CTNND1: variants seen among roughly 807,000 people sequenced by gnomAD.
CTNND1 encodes the protein catenin delta-1.
Under a neutral mutation model 112.1 loss-of-function variants are expected in CTNND1, and 16 were observed. The ratio of observed to expected loss-of-function variants is 0.14; its 90% CI spans 0.10 to 0.22. The LOEUF (loss-of-function observed/expected upper bound fraction) is 0.22, where lower values mean the gene tolerates loss of function less well. CTNND1 is among the 10% of genes least tolerant of loss of function. The pLI is 1.00. For missense variants in CTNND1, 1,008 were observed against 1,257.0 expected, an observed-to-expected ratio of 0.80 and a Z score of 3.00; for synonymous variants, 420 against 446.5, an observed-to-expected ratio of 0.94 and a Z score of 0.75.
rs1203118872 is a variant in CTNND1, at chr11:57,816,559, G to T, written c.*251G>T. 5 of 563,778 alleles carry T rather than the reference G, an allele frequency of 8.9e-6. No homozygotes were observed. The highest frequency in any genetic ancestry group is 1.6e-5 in the Non-Finnish European group (5 of 316,912). The allele number at this position is 563,778 out of a possible 1,614,324, so 34.9% of individuals were successfully genotyped here. On this transcript the variant is annotated 3_prime_UTR_variant, in exon 21 of 21. Coordinates refer to ENST00000399050, the MANE Select transcript of CTNND1 (RefSeq NM_001085458.2). ...CCCAAGAAACCTGACTCAATTATTT[G>T]CATATTTTGAGAAACTGCTGCAGAT...
chr11:57,795,130 G>T (rs554898482), intron 4 of CTNND1, among the ~76,000 whole-genome samples: 2 of 152,172 alleles, frequency 1.3e-5, no homozygotes, highest in Admixed American at 6.5e-5. Context: ...GGAGGTTGGG[G>T]CTCCAGTGAG....
rs1239214682 is a variant in CTNND1 at position 57,818,984 on chromosome 11, A to C, written c.*2676A>C. The C allele has an allele frequency of 6.6e-6, 1 of 152,196 alleles. No individual in the cohort carries two copies. Among genetic ancestry groups the C allele is most frequent in the Non-Finnish European group, 1.5e-5 (1 of 68,046 alleles). 9.4% of individuals were successfully genotyped at this position (152,196 alleles called of 1,614,324 possible). ...TCAGAAGTCAATAGGCCTATTTATT[A>C]ATATTTTACAGACCATATTACCTGG... On this transcript the variant is annotated 3_prime_UTR_variant, in exon 21 of 21. Coordinates refer to ENST00000399050, the MANE Select transcript of CTNND1 (RefSeq NM_001085458.2).
chr11:57,806,355 T>C, intron 10 of CTNND1, 106 bp from the exon 11 acceptor site: 1 of 1,087,852 alleles, frequency 9.2e-7, no homozygotes, highest in Non-Finnish European at 1.4e-6. Flanking sequence ...TTTTCTTCTC[T>C]GTGCTTCCCT....
intron 17 of CTNND1, 127 bp downstream of exon 17, chr11:57,811,613 A>C: frequency 1.5e-6 from 1 of 662,206 alleles, no homozygotes; most frequent in Non-Finnish European, 2.6e-6. Context: ...ATAATTTTCC[A>C]CTCCAGGATC....
Position 57,803,763 on chromosome 11 carries a change from T to C in CTNND1, c.1563T>C (p.Ile521=), listed in dbSNP as rs1052901181. Residue 521 remains isoleucine (I), a synonymous_variant, in exon 8 of 21, where the codon ATT becomes ATC. Coordinates refer to ENST00000399050, the MANE Select transcript of CTNND1 (RefSeq NM_001085458.2). ...ATGAAGACTGTAAGCCACGCCACAT[T>C]GAGTGGGAATCGGTGCTCACCAACA... The part of the protein sequence containing the change: ...EPNEDCKPRH[I]EWESVLTNTA... 9 of 1,612,198 alleles carry C rather than the reference T, an allele frequency of 5.6e-6. No homozygotes were observed. In the African/African-American group the frequency reaches 8.0e-5, roughly 14 times the overall value.
chr11:57,791,490 A>G lies in CTNND1; in HGVS notation c.12A>G (p.Ser4=). The change falls in exon 3 of 21, where the codon TCA becomes TCG. Residue 4 remains serine, a synonymous_variant. Transcript: ENST00000399050. ...CGCCCCTTACCTTCATGGACGACTC[A>G]GAGGTGGAGTCGACCGCCAGCATCT... MDD[S]EVESTASILA... The G allele has an allele frequency of 6.5e-7, 1 of 1,546,104 alleles. No individual in the cohort carries two copies. Among genetic ancestry groups the G allele is most frequent in the East Asian group, 2.4e-5 (1 of 40,858 alleles).
At chr11:57,797,958 C>T (rs1195409415) in intron 6 of CTNND1, among the ~76,000 whole-genome samples, 2 of 151,860 alleles carry the variant, frequency 1.3e-5, no homozygotes, top group Admixed American at 1.3e-4. Flanking sequence ...AGATGTGACC[C>T]CCTTTTGGTG....
chr11:57,789,373 G>C, intron 2 of CTNND1, among the ~76,000 whole-genome samples: 1 of 152,078 alleles, frequency 6.6e-6, no homozygotes, highest in East Asian at 1.9e-4. Flanking sequence ...ATAGCTATAA[G>C]AGAGAAAAAA....
chr11:57,816,115 A>G (rs944792997), intron 20 of CTNND1, 114 bp downstream of exon 20: 48 of 1,155,998 alleles, frequency 4.2e-5, no homozygotes, highest in Non-Finnish European at 2.9e-5. Context: ...TCTCAGCCAC[A>G]TGGGGCTCGA....
At chr11:57,781,646 GGTAA>G (rs2059596015) in intron 1 of CTNND1, 1 of 152,284 alleles carries the variant, frequency 6.6e-6, no homozygotes, top group South Asian at 2.1e-4. Flanking sequence ...CAGGGATCCA[GGTAA>G]GTAACTCAGT....
intron 4 of CTNND1, among the ~76,000 whole-genome samples, chr11:57,795,016 T>A (rs1022968315): frequency 6.6e-6 from 1 of 151,770 alleles, no homozygotes; most frequent in South Asian, 2.1e-4. Flanking sequence ...CTGGGCAACA[T>A]AGACCCTGTC....
At position 57,817,686 on chromosome 11, in the gene CTNND1, T is replaced by C. The variant is rs924970633; in HGVS notation, c.*1378T>C. ...GAGAAGTGAGTGGTGTGACTCTTAC[T>C]CCTTAGGTGCCCAGAATTTACCATC... On this transcript the variant is annotated 3_prime_UTR_variant, in exon 21 of 21. Coordinates refer to ENST00000399050, the MANE Select transcript of CTNND1 (RefSeq NM_001085458.2). 6.6e-6 allele frequency: 1 copy of C among 152,542 alleles called. No individual in the cohort carries two copies. The highest frequency in any genetic ancestry group is 1.5e-5 in the Non-Finnish European group (1 of 68,028). 9.4% of individuals were successfully genotyped at this position (152,542 alleles called of 1,614,324 possible). A position where few individuals can be genotyped will look rare whatever the true frequency, so the allele number is the denominator to read the frequency against.
At position 57,799,979 on chromosome 11, in the gene CTNND1, GTTTTTTTT is replaced by G. The variant is rs1157141511; in HGVS notation, c.957-1735_957-1728del. ...TCTAAGCTATTCATTTTGTTTCCGT[GTTTTTTTT>G]TTTTTTTTTTTTTTTTTTGAGATGG... On this transcript the variant is annotated intron_variant, in intron 6 of 20. Transcript: ENST00000399050. 1.2e-4 allele frequency among the ~76,000 whole-genome samples: 7 copies of G among 58,860 alleles called. No homozygotes were observed. The South Asian group carries it at 2.2e-3, about 18-fold the overall frequency. The allele number at this position is 58,860 out of a possible 152,430, so 38.6% of individuals were successfully genotyped here.
Position 57,815,976 on chromosome 11 carries a change from G to A in CTNND1, c.2870G>A (p.Gly957Glu). ...ELDVLVLDDEGGQVSYPSMQK... is the reference protein window; with the variant it reads ...ELDVLVLDDEEGQVSYPSMQK... The stretch of plus-strand genomic sequence containing the variant: ...GATGTGTTGGTTTTGGATGATGAGG[G>A]GGGCCAAGTGTCTTACCCCTCCATG... The change falls in exon 20 of 21, where the codon GGG (glycine) becomes GAG (glutamate). Residue 957 changes from glycine to glutamate, a missense_variant. Coordinates refer to ENST00000399050, the MANE Select transcript of CTNND1 (RefSeq NM_001085458.2). The A allele has an allele frequency of 1.3e-6, 2 of 1,596,234 alleles. No homozygotes were observed. The highest frequency in any genetic ancestry group is 1.7e-6 in the Non-Finnish European group (2 of 1,175,316).
Position 57,815,932 on chromosome 11 carries a change from ATC to A in CTNND1, c.2830_2831del (p.Leu944GlyfsTer11). ...GTTCACAGCAGGACGAGGGGCAGGA[ATC>A]TCTGGAGGAAGAGTTGGATGTGTTG... ...TPLMQDEGQE[S>X]LEEELDVLVL... On this transcript the variant is annotated frameshift_variant, in exon 20 of 21. Transcript: ENST00000399050. LOFTEE classifies it high-confidence loss of function. The A allele has an allele frequency of 6.2e-7, 1 of 1,607,892 alleles. No homozygotes were observed. Among genetic ancestry groups the A allele is most frequent in the Non-Finnish European group, 8.5e-7 (1 of 1,178,488 alleles).
At chr11:57,773,539 C>G (rs1157354724) in intron 1 of CTNND1, among the ~76,000 whole-genome samples, 1 of 151,588 alleles carries the variant, frequency 6.6e-6, no homozygotes, top group East Asian at 2.0e-4. Context: ...GCAACCTCCA[C>G]CTCCTGGGTT....
In CTNND1 at chr11:57,771,895, C is replaced by T. The variant is rs78259305; in HGVS notation, c.-214+9776C>T. On this transcript the variant is annotated intron_variant, in intron 1 of 20. Transcript: ENST00000399050. ...TAATAAGGCAGCTACTTAGAATAAG[C>T]TGATATGTTTTTGGGAAGTGGGATC... 6.2e-3 allele frequency among the ~76,000 whole-genome samples: 940 copies of T among 151,476 alleles called. 9 individuals are homozygous for T. Among genetic ancestry groups the T allele is most frequent in the African/African-American group, 0.021 (870 of 41,346 alleles).
At chr11:57,805,785 A>T in intron 9 of CTNND1, 97 bp from the exon 10 acceptor site, 1 of 1,364,890 alleles carries the variant, frequency 7.3e-7, no homozygotes, top group Admixed American at 2.3e-5. Flanking sequence ...ATGCATTTGA[A>T]GATCAACATT....
chr11:57,804,409 T>C (rs920065785), intron 8 of CTNND1, among the ~76,000 whole-genome samples: 1 of 152,214 alleles, frequency 6.6e-6, no homozygotes, highest in Non-Finnish European at 1.5e-5. Context: ...TATACTTCCA[T>C]ACGAGAAGTA....
Sources: allele counts gnomAD v4.1 joint callset (sites outside exome capture counted in the v4.1 genomes callset), GRCh38; gene constraint gnomAD v4.1.1; transcripts MANE v1.5; gene names NCBI Gene and HGNC (gene_info 2026-07-23, HGNC 2026-07-21).